C1orf21: variants seen among roughly 807,000 people sequenced by gnomAD.
C1orf21 encodes the protein uncharacterized protein C1orf21.
Under a neutral mutation model 18.7 loss-of-function variants are expected in C1orf21, and 3 were observed. That is an observed-to-expected ratio of 0.16 (90% CI 0.07 to 0.42). The LOEUF is 0.42. Among genes scored for constraint, C1orf21 ranks in the 10% least tolerant of loss-of-function variants. The probability of loss-of-function intolerance (pLI) is 0.99; values close to 1 mark genes in which losing one functional copy is unlikely to be tolerated. For missense variants in C1orf21, 104 were observed against 143.6 expected (o/e 0.72, Z 1.41); for synonymous variants, 41 against 46.4 (o/e 0.88, Z 0.47).
At chr1:184,558,321 A>G (rs192713383) in intron 3 of C1orf21, among the ~76,000 whole-genome samples, 14 of 152,342 alleles carry the variant, frequency 9.2e-5, no homozygotes, top group African/African-American at 3.1e-4. Context: ...CATGATTTCT[A>G]TGGCCCTGAT....
chr1:184,413,109 C>A (rs1346299285), intron 1 of C1orf21, among the ~76,000 whole-genome samples: 1 of 152,222 alleles, frequency 6.6e-6, no homozygotes, highest in African/African-American at 2.4e-5. Context: ...GAAACCTAAT[C>A]TCTGTTATTC....
At chr1:184,572,249 C>A (rs1213778185) in intron 3 of C1orf21, among the ~76,000 whole-genome samples, 1 of 152,186 alleles carries the variant, frequency 6.6e-6, no homozygotes, top group East Asian at 1.9e-4. Flanking sequence ...ATACATAAGA[C>A]CTCATGTAAG....
chr1:184,398,920 T>C (rs940212130), intron 1 of C1orf21, among the ~76,000 whole-genome samples: 3 of 152,242 alleles, frequency 2.0e-5, no homozygotes, highest in Non-Finnish European at 4.4e-5. Flanking sequence ...TATGTATTTC[T>C]AAAAGATACA....
intron 3 of C1orf21, among the ~76,000 whole-genome samples, chr1:184,533,143 C>T (rs925924247): frequency 1.3e-5 from 2 of 151,992 alleles, no homozygotes; most frequent in African/African-American, 4.8e-5. Context: ...GGGGTCCTCT[C>T]TCTCCCTTCC....
At chr1:184,568,984 C>G (rs1249099848) in intron 3 of C1orf21, among the ~76,000 whole-genome samples, 1 of 152,178 alleles carries the variant, frequency 6.6e-6, no homozygotes, top group Non-Finnish European at 1.5e-5. Flanking sequence ...GACGTGAACA[C>G]CGTCTTTAGG....
chr1:184,429,064 A>G (rs886963361), intron 1 of C1orf21, among the ~76,000 whole-genome samples: 1 of 152,138 alleles, frequency 6.6e-6, no homozygotes, highest in Non-Finnish European at 1.5e-5. Flanking sequence ...TCCAGACAAC[A>G]CAGTCACTCA....
At chr1:184,518,894 G>A (rs537484993) in intron 3 of C1orf21, among the ~76,000 whole-genome samples, 3 of 152,096 alleles carry the variant, frequency 2.0e-5, no homozygotes, top group African/African-American at 7.2e-5. Flanking sequence ...GTTTTCATTG[G>A]CATATGAAAT....
rs1659395296 is a variant in C1orf21 at position 184,588,693 on chromosome 1, A to T, written c.190-2046A>T. 2.0e-5 allele frequency among the ~76,000 whole-genome samples: 3 copies of T among 152,234 alleles called. No individual in the cohort carries two copies. In the South Asian group the frequency reaches 6.2e-4, roughly 32 times the overall value. On this transcript the variant is annotated intron_variant, in intron 3 of 5. Transcript: ENST00000235307. ...AATGTTAAAATGAATTAATATTTGG[A>T]AGTGCTTAGAATAATGCCTGACTTA... is the stretch of plus-strand genomic sequence containing the variant.
At position 184,623,942 on chromosome 1, in the gene C1orf21, T is replaced by C. The variant is rs530303286; in HGVS notation, c.*4386T>C. The C allele has an allele frequency of 3.2e-4, 49 of 152,742 alleles. No individual in the cohort carries two copies. Among genetic ancestry groups the C allele is most frequent in the Middle Eastern group, 3.4e-3 (1 of 294 alleles). The allele number at this position is 152,742 out of a possible 1,614,324, so 9.5% of individuals were successfully genotyped here. A position where few individuals can be genotyped will look rare whatever the true frequency, so the allele number is the denominator to read the frequency against. Reference sequence around the variant, plus strand: ...TCTTGGGAGAAGAGGAAAAAGGAGCTAATATTTGTCATTTATACTCACTCT... The same window carrying C: ...TCTTGGGAGAAGAGGAAAAAGGAGCCAATATTTGTCATTTATACTCACTCT... On this transcript the variant is annotated 3_prime_UTR_variant, in exon 6 of 6. Transcript: ENST00000235307.
chr1:184,536,973 A>G (rs1658566977), intron 3 of C1orf21, among the ~76,000 whole-genome samples: 1 of 152,220 alleles, frequency 6.6e-6, no homozygotes, highest in South Asian at 2.1e-4. Context: ...TTTTGCATCC[A>G]AAAATCAAGT....
chr1:184,450,716 TA>T (rs1657109028), intron 1 of C1orf21, among the ~76,000 whole-genome samples: 1 of 152,224 alleles, frequency 6.6e-6, no homozygotes, highest in Non-Finnish European at 1.5e-5. Flanking sequence ...TAATTAAATT[TA>T]TGTGGCTGAA....
At chr1:184,416,837 G>A (rs1020773634) in intron 1 of C1orf21, among the ~76,000 whole-genome samples, 1 of 152,158 alleles carries the variant, frequency 6.6e-6, no homozygotes, top group African/African-American at 2.4e-5. Context: ...GTTTTTCATC[G>A]TGTTACTGGA....
intron 3 of C1orf21, among the ~76,000 whole-genome samples, chr1:184,543,459 A>G (rs1345133207): frequency 1.3e-5 from 2 of 152,222 alleles, no homozygotes; most frequent in Non-Finnish European, 2.9e-5. Context: ...AGTTAGTTTA[A>G]TAACCATACA....
chr1:184,540,114 T>G (rs569195481), intron 3 of C1orf21: 1 of 152,322 alleles, frequency 6.6e-6, no homozygotes, highest in South Asian at 2.1e-4. Flanking sequence ...ACTACTTAGT[T>G]TTTGAAAGTG....
At chr1:184,480,224 A>G (rs1298585444) in intron 2 of C1orf21, among the ~76,000 whole-genome samples, 2 of 152,228 alleles carry the variant, frequency 1.3e-5, no homozygotes, top group Admixed American at 6.5e-5. Flanking sequence ...ACCTGTCTCA[A>G]TCTAAACTGG....
At chr1:184,613,158 C>T (rs1251630261) in intron 5 of C1orf21, among the ~76,000 whole-genome samples, 1 of 152,184 alleles carries the variant, frequency 6.6e-6, no homozygotes, top group Non-Finnish European at 1.5e-5. Flanking sequence ...CCATGTTGGT[C>T]AGGCTGGTCT....
At chr1:184,449,817 A>G (rs970599461) in intron 1 of C1orf21, among the ~76,000 whole-genome samples, 1 of 152,210 alleles carries the variant, frequency 6.6e-6, no homozygotes, top group Non-Finnish European at 1.5e-5. Flanking sequence ...GTTTGTGTCC[A>G]GTTGTGTGAT....
intron 3 of C1orf21, among the ~76,000 whole-genome samples, chr1:184,561,173 C>T (rs959020493): frequency 2.0e-5 from 3 of 152,158 alleles, no homozygotes; most frequent in African/African-American, 7.2e-5. Flanking sequence ...CCAACCTAAG[C>T]CTGCCAGTGC....
chr1:184,609,853 T>G (rs1291799878), intron 5 of C1orf21, among the ~76,000 whole-genome samples: 1 of 152,260 alleles, frequency 6.6e-6, no homozygotes, highest in Non-Finnish European at 1.5e-5. Context: ...GGACAAAGAT[T>G]GAAATGAAAT....
Sources: gnomAD v4.1 joint callset for allele counts (sites outside exome capture counted in the v4.1 genomes callset) on GRCh38, gnomAD v4.1.1 for gene constraint, MANE v1.5 for transcripts, NCBI Gene and HGNC (gene_info 2026-07-23, HGNC 2026-07-21) for gene names.